GATAD1: variants seen among roughly 807,000 people sequenced by gnomAD.
GATAD1 encodes the protein GATA zinc finger domain-containing protein 1.
In GATAD1, 12 loss-of-function variants were observed where a neutral mutation model predicts 26.5. The observed-to-expected ratio is 0.45, with a 90% CI of 0.29 to 0.73. The LOEUF is 0.73. GATAD1 is among the 30% of genes least tolerant of loss of function. The pLI, the probability that GATAD1 is intolerant of heterozygous loss-of-function variation, is 0.10. For synonymous variants in GATAD1, 129 were observed against 133.1 expected (o/e 0.97, Z 0.21); for missense variants, 266 against 342.1 (o/e 0.78, Z 1.75).
the GATAD1 span, chr7:92,487,403 A>T: frequency 1.1e-6 from 1 of 916,872 alleles, no homozygotes; most frequent in Non-Finnish European, 1.8e-6. Flanking sequence ...CTGTTACAAC[A>T]TATGGAAAAG....
At chr7:92,469,084 C>G in the GATAD1 span, 1 of 638,188 alleles carries the variant, frequency 1.6e-6, no homozygotes, top group Non-Finnish European at 2.8e-6. Context: ...TCCAGTGTTT[C>G]GAAGCTCCTC....
In GATAD1 at chr7:92,456,738, A is replaced by G; in HGVS notation, c.*176A>G. The G allele has an allele frequency of 2.1e-6, 1 of 481,768 alleles. No individual in the cohort carries two copies. Among genetic ancestry groups the G allele is most frequent in the South Asian group, 4.4e-5 (1 of 22,562 alleles). The allele number at this position is 481,768 out of a possible 1,614,324, so 29.8% of individuals were successfully genotyped here. ...TTCTTAGTACCACAAGATATGTCAT[A>G]GGTATCTTTAAATGAAATTCTTAGC... On this transcript the variant is annotated 3_prime_UTR_variant, in exon 5 of 5. Coordinates refer to ENST00000287957, the MANE Select transcript of GATAD1 (RefSeq NM_021167.5).
Position 92,456,824 on chromosome 7 carries a change from TACTGGTC to T in GATAD1, c.*266_*272del. The T allele has an allele frequency of 2.8e-6, 1 of 352,506 alleles. No homozygotes were observed. Among genetic ancestry groups the T allele is most frequent in the Non-Finnish European group, 5.0e-6 (1 of 198,456 alleles). 21.8% of individuals were successfully genotyped at this position (352,506 alleles called of 1,614,324 possible). ...TAGTAATAAACAAATCATTGTTTATTACTGGTCACTTAGAAAATTAAAAGGGATAGGG... is the reference window on the plus strand; with the variant it reads ...TAGTAATAAACAAATCATTGTTTATTACTTAGAAAATTAAAAGGGATAGGG... On this transcript the variant is annotated 3_prime_UTR_variant, in exon 5 of 5. Coordinates refer to ENST00000287957, the MANE Select transcript of GATAD1 (RefSeq NM_021167.5).
At chr7:92,494,652 C>T in the GATAD1 span, 32,580 of 1,612,172 alleles carry the variant, frequency 0.02, 435 homozygotes, top group Non-Finnish European at 0.022. Flanking sequence ...AACAACATTT[C>T]ATATTTGAAT....
At chr7:92,470,074 G>A in the GATAD1 span, 1 of 778,706 alleles carries the variant, frequency 1.3e-6, no homozygotes, top group East Asian at 2.4e-5. Flanking sequence ...CCAACAGACA[G>A]TGACTCCAAG....
At chr7:92,478,375 G>A in the GATAD1 span, among the ~76,000 whole-genome samples, 4 of 152,202 alleles carry the variant, frequency 2.6e-5, no homozygotes, top group African/African-American at 9.7e-5. Flanking sequence ...AAGAGAGGTG[G>A]TGTTGGAATG....
downstream of GATAD1, among the ~76,000 whole-genome samples, chr7:92,464,619 A>C (rs1050396395): frequency 6.6e-6 from 1 of 152,232 alleles, no homozygotes; most frequent in Non-Finnish European, 1.5e-5. Flanking sequence ...TTGCATTATG[A>C]AAGCCTAGGA....
the GATAD1 span, chr7:92,469,875 A>G: frequency 1.3e-6 from 1 of 777,828 alleles, no homozygotes; most frequent in Non-Finnish European, 2.4e-6. Context: ...TGAGGGTGGT[A>G]TTAAATAGGC....
Position 92,447,658 on chromosome 7 carries a change from CA to C in GATAD1, c.-71del. Reference sequence around the variant, plus strand: ...CTATCGCCGGGAGTGGCGGGCCGACCAGGGGGCGGCCGGGCTACCGTCCGCC... The same window carrying C: ...CTATCGCCGGGAGTGGCGGGCCGACCGGGGGCGGCCGGGCTACCGTCCGCC... On this transcript the variant is annotated 5_prime_UTR_variant, in exon 1 of 5. Transcript: ENST00000287957. 7.5e-7 allele frequency: 1 copy of C among 1,336,118 alleles called. No individual in the cohort carries two copies. Among genetic ancestry groups the C allele is most frequent in the South Asian group, 1.8e-5 (1 of 55,742 alleles). 82.8% of individuals were successfully genotyped at this position (1,336,118 alleles called of 1,614,324 possible). A position where few individuals can be genotyped will look rare whatever the true frequency, so the allele number is the denominator to read the frequency against.
At chr7:92,489,278 G>A in the GATAD1 span, 1 of 1,610,340 alleles carries the variant, frequency 6.2e-7, no homozygotes. Flanking sequence ...TTCCAAAACA[G>A]AATCTGTTAC....
At chr7:92,473,490 G>T in the GATAD1 span, among the ~76,000 whole-genome samples, 1 of 151,974 alleles carries the variant, frequency 6.6e-6, no homozygotes, top group African/African-American at 2.4e-5. Flanking sequence ...TTGTCCTTCT[G>T]TTGCCCAGAC....
chr7:92,495,564 G>A, the GATAD1 span, among the ~76,000 whole-genome samples: 1 of 152,044 alleles, frequency 6.6e-6, no homozygotes, highest in African/African-American at 2.4e-5. Flanking sequence ...TTTTGTCTAT[G>A]TCACCTAAGT....
At chr7:92,449,673 C>CT (rs768149346) in intron 2 of GATAD1, 85,414 of 715,402 alleles carry the variant, frequency 0.12, 1,009 homozygotes, top group Middle Eastern at 0.15. Flanking sequence ...AGACTATTTT[C>CT]TTTTTTTTTT....
At chr7:92,485,376 A>G in the GATAD1 span, among the ~76,000 whole-genome samples, 11 of 152,296 alleles carry the variant, frequency 7.2e-5, no homozygotes, top group Admixed American at 6.5e-4. Context: ...ATGGGCAAAG[A>G]TCCTACTTGA....
the GATAD1 span, chr7:92,469,819 A>G: frequency 1.3e-6 from 1 of 769,770 alleles, no homozygotes; most frequent in Non-Finnish European, 2.4e-6. Context: ...GGGGAGGCAT[A>G]TCCAACAGTT....
At chr7:92,492,410 T>C in the GATAD1 span, among the ~76,000 whole-genome samples, 1 of 152,158 alleles carries the variant, frequency 6.6e-6, no homozygotes, top group Non-Finnish European at 1.5e-5. Flanking sequence ...CAAATGATCC[T>C]CCTGCCTTGG....
the GATAD1 span, among the ~76,000 whole-genome samples, chr7:92,475,958 C>T: frequency 6.6e-6 from 1 of 152,116 alleles, no homozygotes; most frequent in South Asian, 2.1e-4. Context: ...TTGAGGAGAC[C>T]AGTTATTAGG....
the GATAD1 span, among the ~76,000 whole-genome samples, chr7:92,487,961 A>C: frequency 6.6e-6 from 1 of 152,172 alleles, no homozygotes; most frequent in Non-Finnish European, 1.5e-5. Flanking sequence ...AAAAAATGTG[A>C]GCTCCCTGTT....
intron 2 of GATAD1, chr7:92,449,194 A>G: frequency 2.0e-6 from 2 of 1,014,894 alleles, no homozygotes; most frequent in Non-Finnish European, 2.4e-6. Context: ...AGGAGAGATT[A>G]TGGTTCTTGA....
Sources: gnomAD v4.1 joint callset for allele counts (sites outside exome capture counted in the v4.1 genomes callset) on GRCh38, gnomAD v4.1.1 for gene constraint, MANE v1.5 for transcripts, NCBI Gene and HGNC (gene_info 2026-07-23, HGNC 2026-07-21) for gene names.